TOGARAM1: variants seen among roughly 807,000 people sequenced by gnomAD.
The protein encoded by TOGARAM1 is TOG array regulator of axonemal microtubules 1.
Under a neutral mutation model 166.6 loss-of-function variants are expected in TOGARAM1, and 100 were observed. The ratio of observed to expected loss-of-function variants is 0.60; its 90% CI spans 0.51 to 0.71. The LOEUF (loss-of-function observed/expected upper bound fraction) is 0.71, where lower values mean the gene tolerates loss of function less well. Among genes scored for constraint, TOGARAM1 ranks in the 30% least tolerant of loss-of-function variants. The probability of loss-of-function intolerance (pLI) is 0.00; values close to 1 mark genes in which losing one functional copy is unlikely to be tolerated. For synonymous variants in TOGARAM1, 758 were observed against 763.8 expected, an observed-to-expected ratio of 0.99 and a Z score of 0.13; for missense variants, 2,029 against 2,102.7, an observed-to-expected ratio of 0.96 and a Z score of 0.69.
At position 45,004,294 on chromosome 14, in the gene TOGARAM1, G is replaced by A. The variant is rs1268216256; in HGVS notation, c.2572G>A (p.Gly858Arg). The change falls in exon 4 of 20, where the codon GGA becomes AGA. Residue 858 changes from glycine (G) to arginine (R), a missense_variant. By Grantham distance (125) the Gly-to-Arg change is moderately radical. Coordinates refer to ENST00000361462, the MANE Select transcript of TOGARAM1 (RefSeq NM_001308120.2). ...SNSWPLKSFE[G>R]LSKPSPQKKL... ...TTCCTGGCCTCTTAAAAGCTTCGAAGGACTATCAAAGCCAAGTCCACAGAA... is the reference window on the plus strand; with the variant it reads ...TTCCTGGCCTCTTAAAAGCTTCGAAAGACTATCAAAGCCAAGTCCACAGAA... 1.9e-5 allele frequency: 30 copies of A among 1,614,068 alleles called. No individual in the cohort carries two copies. In the East Asian group the frequency reaches 6.7e-4, roughly 36 times the overall value.
chr14:44,999,790 A>G (rs2138822939), intron 3 of TOGARAM1, among the ~76,000 whole-genome samples: 2 of 152,258 alleles, frequency 1.3e-5, no homozygotes, highest in African/African-American at 4.8e-5. Flanking sequence ...GACATGTGAC[A>G]TTTTGATATA....
intron 1 of TOGARAM1, 179 bp from the exon 2 acceptor site, chr14:44,995,567 A>G: frequency 1.6e-6 from 1 of 627,786 alleles, no homozygotes; most frequent in Non-Finnish European, 2.9e-6. Context: ...TCTCTTCTGG[A>G]ATGAAAAGTA....
At chr14:45,071,587 T>C (rs1008899910) in intron 18 of TOGARAM1, 125 bp from the exon 19 acceptor site, 1 of 555,376 alleles carries the variant, frequency 1.8e-6, no homozygotes, top group African/African-American at 2.0e-5. Context: ...ATTATGTAGA[T>C]TTTTAAAGTG....
intron 1 of TOGARAM1, among the ~76,000 whole-genome samples, chr14:44,978,905 A>G (rs1239534593): frequency 6.6e-6 from 1 of 151,812 alleles, no homozygotes; most frequent in Admixed American, 6.6e-5. Flanking sequence ...AGGCTGAGAC[A>G]GGAGGATCAT....
At chr14:44,992,839 G>A (rs574059643) in intron 1 of TOGARAM1, among the ~76,000 whole-genome samples, 50 of 151,440 alleles carry the variant, frequency 3.3e-4, no homozygotes, top group African/African-American at 8.7e-4. Context: ...GGATGGTCTC[G>A]ATCTCCTGAC....
chr14:45,066,848 G>A (rs1317039146), intron 17 of TOGARAM1, 81 bp downstream of exon 17: 1 of 1,209,504 alleles, frequency 8.3e-7, no homozygotes, highest in Non-Finnish European at 1.2e-6. Flanking sequence ...AGCCAAGGTA[G>A]AAGGATCTCT....
chr14:44,985,580 G>A (rs1886751132), intron 1 of TOGARAM1, among the ~76,000 whole-genome samples: 1 of 152,184 alleles, frequency 6.6e-6, no homozygotes, highest in South Asian at 2.1e-4. Flanking sequence ...GCTCCTATGA[G>A]AATCTAATAC....
chr14:45,059,033 T>C (rs1475396933), intron 16 of TOGARAM1, among the ~76,000 whole-genome samples: 1 of 152,214 alleles, frequency 6.6e-6, no homozygotes, highest in Non-Finnish European at 1.5e-5. Flanking sequence ...TATTAACATT[T>C]GCTTATTTCA....
At chr14:45,061,244 T>C (rs1382229125) in intron 16 of TOGARAM1, among the ~76,000 whole-genome samples, 1 of 152,262 alleles carries the variant, frequency 6.6e-6, no homozygotes, top group East Asian at 1.9e-4. Context: ...CAAATGGTTC[T>C]AGCTTTAGGA....
intron 10 of TOGARAM1, among the ~76,000 whole-genome samples, chr14:45,031,487 A>G (rs1881151614): frequency 6.6e-6 from 1 of 152,196 alleles, no homozygotes; most frequent in South Asian, 2.1e-4. Context: ...TTCTATATCG[A>G]TAGAGAAAAT....
At chr14:45,050,364 C>T (rs1157416340) in intron 14 of TOGARAM1, among the ~76,000 whole-genome samples, 2 of 152,032 alleles carry the variant, frequency 1.3e-5, no homozygotes, top group African/African-American at 4.8e-5. Flanking sequence ...GTGATCCTCC[C>T]ACCTCAGCCT....
chr14:45,062,997 A>C (rs1882965300), intron 16 of TOGARAM1, among the ~76,000 whole-genome samples: 1 of 152,112 alleles, frequency 6.6e-6, no homozygotes, highest in Non-Finnish European at 1.5e-5. Flanking sequence ...AGCCCTAGGC[A>C]GTTTGTCTTC....
chr14:45,036,947 G>A lies in TOGARAM1; in HGVS notation c.3812+4571G>A, dbSNP rs184981334. ...GGGAGACAAAAGGCACTTCTTATAT[G>A]GTGGCAGCAAGAGAAAATGAAGCAA... is the stretch of plus-strand genomic sequence containing the variant. On this transcript the variant is annotated intron_variant, in intron 11 of 19. Coordinates refer to ENST00000361462, the MANE Select transcript of TOGARAM1 (RefSeq NM_001308120.2). Among the ~76,000 whole-genome samples, 48 of 152,304 alleles carry A rather than the reference G, an allele frequency of 3.2e-4. 1 individual carries two copies. The East Asian group carries it at 6.4e-3, about 20-fold the overall frequency.
At chr14:44,973,592 C>A (rs372973352) in intron 1 of TOGARAM1, among the ~76,000 whole-genome samples, 9,826 of 147,762 alleles carry the variant, frequency 0.066, 413 homozygotes, top group East Asian at 0.13. Flanking sequence ...CTCTCTCTCT[C>A]TCTCTATATA....
At chr14:45,027,680 C>A (rs11627990) in intron 9 of TOGARAM1, among the ~76,000 whole-genome samples, 19 of 151,848 alleles carry the variant, frequency 1.3e-4, no homozygotes, top group African/African-American at 4.3e-4. Context: ...AAAATTAGCC[C>A]GAGAAAGTAG....
chr14:44,962,734 A>G lies in TOGARAM1; in HGVS notation c.313A>G (p.Thr105Ala). The G allele has an allele frequency of 1.2e-6, 2 of 1,613,792 alleles. No homozygotes were observed. Among genetic ancestry groups the G allele is most frequent in the South Asian group, 1.1e-5 (1 of 91,078 alleles). Residue 105 changes from threonine (T) to alanine (A), a missense_variant, in exon 1 of 20, where the codon ACT becomes GCT. Physicochemically the swap from Thr to Ala is moderately conservative, Grantham distance 58 (BLOSUM62 0). Transcript: ENST00000361462. ...CACTCGGCTCCTTCAACTCCTCCGC[A>G]CTGCCCGGGATCCTTCTGAGGCCTT... ...EDTRLLQLLR[T>A]ARDPSEAFQA... is the part of the protein sequence containing the mutation.
intron 10 of TOGARAM1, 151 bp from the exon 11 acceptor site, chr14:45,032,072 A>G: frequency 1.6e-6 from 1 of 613,356 alleles, no homozygotes; most frequent in Non-Finnish European, 2.7e-6. Context: ...AGGCAGGAGA[A>G]TTGCTTGAAG....
At chr14:45,059,093 T>A (rs768831609) in intron 16 of TOGARAM1, among the ~76,000 whole-genome samples, 1 of 152,188 alleles carries the variant, frequency 6.6e-6, no homozygotes, top group African/African-American at 2.4e-5. Flanking sequence ...ATTTTATTTT[T>A]ATTTTATTTT....
At chr14:45,002,381 T>G (rs1346170470) in intron 3 of TOGARAM1, among the ~76,000 whole-genome samples, 1 of 152,206 alleles carries the variant, frequency 6.6e-6, no homozygotes, top group Non-Finnish European at 1.5e-5. Context: ...TATTGCACAG[T>G]GGCTCTCTGG....
Sources: allele counts gnomAD v4.1 joint callset (sites outside exome capture counted in the v4.1 genomes callset), GRCh38; gene constraint gnomAD v4.1.1; transcripts MANE v1.5; gene names NCBI Gene and HGNC (gene_info 2026-07-23, HGNC 2026-07-21).